ZNF454: variants seen among roughly 807,000 people sequenced by gnomAD.
The protein encoded by ZNF454 is zinc finger protein 454.
Under a neutral mutation model 48.2 loss-of-function variants are expected in ZNF454, and 30 were observed. The ratio of observed to expected loss-of-function variants is 0.62; its 90% CI spans 0.47 to 0.84. The LOEUF (loss-of-function observed/expected upper bound fraction) is 0.84, where lower values mean the gene tolerates loss of function less well. Ranked by LOEUF, ZNF454 falls within the 40% of genes least tolerant of loss-of-function variation. The probability of loss-of-function intolerance (pLI) is 0.00; values close to 1 mark genes in which losing one functional copy is unlikely to be tolerated. For synonymous variants in ZNF454, 204 were observed against 211.4 expected (o/e 0.97, Z 0.30); for missense variants, 510 against 623.1 (o/e 0.82, Z 1.93).
downstream of ZNF454, among the ~76,000 whole-genome samples, chr5:178,966,964 A>C (rs1021180539): frequency 1.3e-5 from 2 of 152,078 alleles, no homozygotes. Context: ...CCCTATGGGG[A>C]GTGTGGTGGT....
chr5:178,984,270 G>A, the ZNF454 span, among the ~76,000 whole-genome samples: 2 of 138,168 alleles, frequency 1.4e-5, no homozygotes, highest in African/African-American at 5.0e-5. Context: ...GCCGCAGCCC[G>A]TGGAGTGGGG....
chr5:178,986,142 G>A, the ZNF454 span: 1 of 1,613,706 alleles, frequency 6.2e-7, no homozygotes, highest in Non-Finnish European at 8.5e-7. Context: ...GCAGGGAGGT[G>A]AGGCTGAAGG....
At chr5:178,943,310 T>TCA (rs1759184871) in intron 2 of ZNF454, among the ~76,000 whole-genome samples, 1 of 152,020 alleles carries the variant, frequency 6.6e-6, no homozygotes, top group Admixed American at 6.6e-5. Flanking sequence ...AGCAGGTGTA[T>TCA]CACACGGTGA....
At chr5:178,945,599 G>C (rs1283209208) in intron 2 of ZNF454, among the ~76,000 whole-genome samples, 1 of 149,048 alleles carries the variant, frequency 6.7e-6, no homozygotes, top group Admixed American at 6.7e-5. Flanking sequence ...ATGTGTCTCT[G>C]TGTGTAGGGG....
At chr5:178,956,427 T>G (rs1187777428) in intron 4 of ZNF454, among the ~76,000 whole-genome samples, 1 of 151,326 alleles carries the variant, frequency 6.6e-6, no homozygotes, top group Admixed American at 6.6e-5. Flanking sequence ...TAAGTGGGGC[T>G]TCAGTCTTCA....
At chr5:178,980,290 A>G in the ZNF454 span, 1 of 154,404 alleles carries the variant, frequency 6.5e-6, no homozygotes, top group African/African-American at 2.4e-5. This position sits in a 1 kb window ranked among gnomAD's most constrained non-coding sequence, Gnocchi z 4.3. Context: ...GGGACATAAA[A>G]CTCCATAACT....
chr5:178,953,842 A>G (rs1198135679), intron 4 of ZNF454, among the ~76,000 whole-genome samples: 2 of 152,186 alleles, frequency 1.3e-5, no homozygotes, highest in Non-Finnish European at 2.9e-5. Flanking sequence ...GAAAACTTGC[A>G]AGATTTTCTC....
intron 2 of ZNF454, among the ~76,000 whole-genome samples, chr5:178,945,130 T>G: frequency 7.8e-6 from 1 of 127,430 alleles, no homozygotes; most frequent in Non-Finnish European, 1.6e-5. Flanking sequence ...CATGTGTGCG[T>G]GTGTGTCGTG....
the ZNF454 span, among the ~76,000 whole-genome samples, chr5:178,984,695 G>A: frequency 2.0e-4 from 30 of 152,190 alleles, no homozygotes; most frequent in Admixed American, 5.9e-4. Flanking sequence ...GCCTGACCAG[G>A]GGACACTCAG....
chr5:178,978,082 C>T, the ZNF454 span, among the ~76,000 whole-genome samples: 27 of 152,320 alleles, frequency 1.8e-4, no homozygotes, highest in African/African-American at 6.3e-4. Context: ...ATCAGTATTC[C>T]ACTCTGGCTG....
At chr5:178,945,257 G>A (rs1257397765) in intron 2 of ZNF454, among the ~76,000 whole-genome samples, 2 of 151,516 alleles carry the variant, frequency 1.3e-5, no homozygotes, top group East Asian at 1.9e-4. Flanking sequence ...TTGGGGTATG[G>A]GTATGGGTAT....
Position 178,942,739 on chromosome 5 carries a change from C to T in ZNF454, c.-53C>T, listed in dbSNP as rs1236554183. ...GTCCTGCAGGTGTGAAGCTCCACACCTGCCTCCATAGCACTTTGCCTGTCC... is the reference window on the plus strand; with the variant it reads ...GTCCTGCAGGTGTGAAGCTCCACACTTGCCTCCATAGCACTTTGCCTGTCC... On this transcript the variant is annotated 5_prime_UTR_variant, in exon 2 of 5. Coordinates refer to ENST00000519564, the MANE Select transcript of ZNF454 (RefSeq NM_001178089.3). The T allele has an allele frequency of 6.2e-7, 1 of 1,611,168 alleles. No homozygotes were observed. Among genetic ancestry groups the T allele is most frequent in the East Asian group, 2.2e-5 (1 of 44,846 alleles).
At chr5:178,976,230 C>T in the ZNF454 span, 1 of 364,738 alleles carries the variant, frequency 2.7e-6, no homozygotes, top group South Asian at 2.1e-5. Context: ...GCCCCATTCT[C>T]TGTACCCTGC....
At chr5:178,957,401 A>ATTTTT (rs1320991891) in intron 4 of ZNF454, among the ~76,000 whole-genome samples, 1 of 151,576 alleles carries the variant, frequency 6.6e-6, no homozygotes, top group Non-Finnish European at 1.5e-5. Flanking sequence ...TTTTATTTTT[A>ATTTTT]TTTTTTATTT....
chr5:178,946,398 C>T lies in ZNF454; in HGVS notation c.73C>T (p.Gln25Ter), dbSNP rs762322127. ...TFKDVAILFT[Q>*]EEWGQLSPAQ... is the part of the protein sequence containing the mutation. ...CAAGGATGTGGCTATACTGTTCACC[C>T]AGGAAGAGTGGGGGCAGCTGAGCCC... Residue 25 changes from glutamine to a stop codon, truncating the protein, a stop_gained, in exon 3 of 5, where the codon CAG becomes TAG. Coordinates refer to ENST00000519564, the MANE Select transcript of ZNF454 (RefSeq NM_001178089.3). LOFTEE classifies it high-confidence loss of function. This position sits in a 1 kb window ranked among gnomAD's most constrained non-coding sequence, Gnocchi z 4.5. 1.9e-6 allele frequency: 3 copies of T among 1,613,040 alleles called. No homozygotes were observed. In the South Asian group the frequency reaches 3.3e-5, roughly 18 times the overall value.
At chr5:178,971,879 GC>G in the ZNF454 span, among the ~76,000 whole-genome samples, 9 of 150,990 alleles carry the variant, frequency 6.0e-5, no homozygotes, top group Non-Finnish European at 1.0e-4. Context: ...GAACTGGCCA[GC>G]CCCAGGAAGG....
chr5:178,956,900 T>G (rs957033059), intron 4 of ZNF454: 8 of 347,612 alleles, frequency 2.3e-5, no homozygotes, highest in South Asian at 1.4e-4. Flanking sequence ...TTGTTTGTTT[T>G]TTTAGATGGA....
At chr5:178,976,918 A>G in the ZNF454 span, among the ~76,000 whole-genome samples, 1 of 152,178 alleles carries the variant, frequency 6.6e-6, no homozygotes, top group African/African-American at 2.4e-5. Context: ...CCAATCTGGC[A>G]GATTGTATCA....
the ZNF454 span, chr5:178,986,030 G>C: frequency 9.0e-7 from 1 of 1,116,140 alleles, no homozygotes; most frequent in Non-Finnish European, 1.3e-6. Context: ...CAAAGGTGCT[G>C]GGACTACAGG....
Sources: gnomAD v4.1 joint callset for allele counts (sites outside exome capture counted in the v4.1 genomes callset) on GRCh38, gnomAD v4.1.1 for gene constraint, Gnocchi (gnomAD v3.1) non-coding constraint, MANE v1.5 for transcripts, NCBI Gene and HGNC (gene_info 2026-07-23, HGNC 2026-07-21) for gene names.